Variants in CSMD1 observed in about 807,000 individuals in gnomAD.
CSMD1 encodes CUB and sushi domain-containing protein 1.
Under a neutral mutation model 417.5 loss-of-function variants are expected in CSMD1, and 213 were observed. The ratio of observed to expected loss-of-function variants is 0.51; its 90% confidence interval spans 0.46 to 0.57. CSMD1 has a LOEUF of 0.57. Among genes scored for constraint, CSMD1 ranks in the 20% least tolerant of loss-of-function variants. CSMD1 has a pLI of 0.00. For missense variants in CSMD1, 6,923 were observed against 4,529.7 expected (o/e 1.53, Z -15.17); for synonymous variants, 2,862 against 1,736.8 (o/e 1.65, Z -16.11).
At chr8:4,217,807 C>G (rs755135723) in intron 3 of CSMD1, among the ~76,000 whole-genome samples, 1 of 151,964 alleles carries the variant, frequency 6.6e-6, no homozygotes, top group African/African-American at 2.4e-5. Flanking sequence ...AGTATGAGGT[C>G]GATCACCCTC....
chr8:4,237,346 C>A (rs1159433816), intron 3 of CSMD1, among the ~76,000 whole-genome samples: 1 of 151,976 alleles, frequency 6.6e-6, no homozygotes, highest in Non-Finnish European at 1.5e-5. Flanking sequence ...AATCCTTCAA[C>A]AGAAAACATT....
intron 5 of CSMD1, among the ~76,000 whole-genome samples, chr8:3,995,745 A>G (rs1410696585): frequency 2.0e-5 from 3 of 152,226 alleles, no homozygotes; most frequent in Non-Finnish European, 2.9e-5. Flanking sequence ...ATAGGACAAT[A>G]TAAGTCATCC....
chr8:4,137,185 A>C (rs1202545504), intron 3 of CSMD1, among the ~76,000 whole-genome samples: 1 of 152,220 alleles, frequency 6.6e-6, no homozygotes, highest in African/African-American at 2.4e-5. Context: ...ACCTAATAGC[A>C]TTAGCCTCAT....
chr8:3,776,911 C>T (rs777846601), intron 5 of CSMD1, among the ~76,000 whole-genome samples: 1 of 151,648 alleles, frequency 6.6e-6, no homozygotes, highest in Non-Finnish European at 1.5e-5. Context: ...GACGGGGTCT[C>T]ACCATGTTGC....
intron 6 of CSMD1, among the ~76,000 whole-genome samples, chr8:3,745,284 A>C (rs1225398665): frequency 2.0e-5 from 3 of 152,206 alleles, no homozygotes; most frequent in Non-Finnish European, 4.4e-5. Context: ...CCACCTTCAC[A>C]ACAGGAAAGA....
At chr8:3,891,383 C>T (rs1407083601) in intron 5 of CSMD1, among the ~76,000 whole-genome samples, 1 of 152,032 alleles carries the variant, frequency 6.6e-6, no homozygotes, top group East Asian at 1.9e-4. Flanking sequence ...CAATTCAATT[C>T]CAAAATCCAT....
intron 3 of CSMD1, among the ~76,000 whole-genome samples, chr8:4,150,296 C>G (rs1366258237): frequency 6.6e-6 from 1 of 152,160 alleles, no homozygotes; most frequent in African/African-American, 2.4e-5. Context: ...TCCAAGCTTC[C>G]TCAGCTCCCT....
At chr8:4,887,361 A>G (rs1803819448) in intron 1 of CSMD1, among the ~76,000 whole-genome samples, 2 of 152,072 alleles carry the variant, frequency 1.3e-5, no homozygotes, top group Admixed American at 1.3e-4. Context: ...GTTTAAATGT[A>G]TTAAGGCTTA....
chr8:3,060,151 C>T (rs1412168673), intron 49 of CSMD1, among the ~76,000 whole-genome samples: 1 of 140,078 alleles, frequency 7.1e-6, no homozygotes, highest in African/African-American at 2.6e-5. Flanking sequence ...TTACTAACAA[C>T]TTTTTTTTTT....
chr8:3,027,870 G>A (rs182871276), intron 51 of CSMD1, among the ~76,000 whole-genome samples: 264 of 152,346 alleles, frequency 1.7e-3, no homozygotes, highest in African/African-American at 6.0e-3. Context: ...TGAGGTCAAC[G>A]CCTTGCTACT....
chr8:4,268,277 T>G (rs1804347962), intron 3 of CSMD1, among the ~76,000 whole-genome samples: 1 of 152,106 alleles, frequency 6.6e-6, no homozygotes, highest in South Asian at 2.1e-4. Flanking sequence ...GTTTCTATAT[T>G]TGAACAAAAT....
intron 5 of CSMD1, among the ~76,000 whole-genome samples, chr8:3,850,319 T>C (rs1803810755): frequency 6.6e-6 from 1 of 152,120 alleles, no homozygotes; most frequent in Non-Finnish European, 1.5e-5. Context: ...TTGTTTTCCA[T>C]AGGGTCTCAC....
chr8:3,170,940 A>G (rs1426323798), intron 37 of CSMD1, among the ~76,000 whole-genome samples: 1 of 152,226 alleles, frequency 6.6e-6, no homozygotes. Context: ...AAATGCCATA[A>G]TAAAGCGGGC....
chr8:3,304,962 C>T (rs1032448117), intron 25 of CSMD1, among the ~76,000 whole-genome samples: 4 of 152,150 alleles, frequency 2.6e-5, no homozygotes, highest in African/African-American at 9.7e-5. Flanking sequence ...TACAACTTTT[C>T]AAAATCAAAG....
At chr8:4,774,308 G>T (rs567455942) in intron 1 of CSMD1, among the ~76,000 whole-genome samples, 4 of 152,178 alleles carry the variant, frequency 2.6e-5, no homozygotes, top group Non-Finnish European at 5.9e-5. Context: ...TCCTGAGCAA[G>T]TTATAGTAAT....
At chr8:4,457,831 G>A (rs1281950801) in intron 2 of CSMD1, among the ~76,000 whole-genome samples, 1 of 152,068 alleles carries the variant, frequency 6.6e-6, no homozygotes, top group Non-Finnish European at 1.5e-5. Flanking sequence ...CTTGCAGACA[G>A]CTTTGCAGTG....
chr8:4,049,947 T>C (rs1424103294), intron 3 of CSMD1, among the ~76,000 whole-genome samples: 1 of 152,200 alleles, frequency 6.6e-6, no homozygotes, highest in Non-Finnish European at 1.5e-5. Context: ...TTACGTGCCG[T>C]TCCTCTTTAG....
intron 3 of CSMD1, among the ~76,000 whole-genome samples, chr8:4,271,766 T>C (rs1293047704): frequency 6.6e-6 from 1 of 152,132 alleles, no homozygotes; most frequent in Admixed American, 6.6e-5. Context: ...AAAACAAAAA[T>C]GGATGCAGCT....
intron 5 of CSMD1, among the ~76,000 whole-genome samples, chr8:3,979,231 G>A (rs575472435): frequency 6.6e-6 from 1 of 152,288 alleles, no homozygotes; most frequent in East Asian, 1.9e-4. Flanking sequence ...GAAGTTTTAG[G>A]CCAGGAAATT....
Sources: allele counts gnomAD v4.1 joint callset (sites outside exome capture counted in the v4.1 genomes callset), GRCh38; gene constraint gnomAD v4.1.1; transcripts MANE v1.5; gene names NCBI Gene and HGNC (gene_info 2026-07-23, HGNC 2026-07-21).